The following LRP1B variants were observed in gnomAD, a reference collection of about 807,000 sequenced individuals.
LRP1B encodes the protein LDL receptor related protein 1B.
Under a neutral mutation model 556.6 loss-of-function variants are expected in LRP1B, and 217 were observed. That is an observed-to-expected ratio of 0.39 (90% CI 0.35 to 0.44). The LOEUF (loss-of-function observed/expected upper bound fraction) is 0.44, where lower values mean the gene tolerates loss of function less well. Among genes scored for constraint, LRP1B ranks in the 20% least tolerant of loss-of-function variants. The pLI, the probability that LRP1B is intolerant of heterozygous loss-of-function variation, is 1.00. For synonymous variants in LRP1B, 2,047 were observed against 1,865.8 expected (o/e 1.10, Z -2.50); for missense variants, 5,053 against 5,620.8 (o/e 0.90, Z 3.23).
intron 21 of LRP1B, among the ~76,000 whole-genome samples, chr2:140,917,933 G>T (rs1348201580): frequency 6.6e-6 from 1 of 152,068 alleles, no homozygotes; most frequent in Non-Finnish European, 1.5e-5. Context: ...AGAAAGCTGT[G>T]CATGTGAGGG....
intron 85 of LRP1B, among the ~76,000 whole-genome samples, chr2:140,270,804 T>A (rs1682424065): frequency 6.6e-6 from 1 of 151,952 alleles, no homozygotes; most frequent in South Asian, 2.1e-4. Flanking sequence ...TGCTAAGACT[T>A]TTAGACCCCA....
chr2:140,304,798 T>G (rs942199363), intron 83 of LRP1B, among the ~76,000 whole-genome samples: 7 of 152,192 alleles, frequency 4.6e-5, no homozygotes, highest in Non-Finnish European at 1.0e-4. Context: ...GGTCTAACGT[T>G]TAAGTCTTTA....
intron 1 of LRP1B, among the ~76,000 whole-genome samples, chr2:142,053,481 C>CAT (rs367670262): frequency 0.012 from 1,803 of 151,104 alleles, 14 homozygotes; most frequent in Non-Finnish European, 0.02. Flanking sequence ...AGGTTATATA[C>CAT]ATATATATAT....
At chr2:142,016,207 G>C (rs558261173) in intron 1 of LRP1B, among the ~76,000 whole-genome samples, 3 of 152,146 alleles carry the variant, frequency 2.0e-5, no homozygotes, top group African/African-American at 7.2e-5. Context: ...TGGAGAAATA[G>C]GAACGCTTTT....
At chr2:140,862,544 G>C (rs531724167) in intron 27 of LRP1B, among the ~76,000 whole-genome samples, 1 of 151,956 alleles carries the variant, frequency 6.6e-6, no homozygotes, top group Non-Finnish European at 1.5e-5. Flanking sequence ...CTTTCCCCAG[G>C]TTTCCCACTC....
intron 1 of LRP1B, among the ~76,000 whole-genome samples, chr2:142,001,911 C>T (rs965145834): frequency 6.6e-6 from 1 of 151,972 alleles, no homozygotes; most frequent in South Asian, 2.1e-4. Flanking sequence ...TCTAATTTAC[C>T]CATGCAGCTT....
At chr2:140,531,034 A>G (rs1368086684) in intron 47 of LRP1B, among the ~76,000 whole-genome samples, 4 of 152,176 alleles carry the variant, frequency 2.6e-5, no homozygotes, top group African/African-American at 9.7e-5. Flanking sequence ...TAAGAATTTA[A>G]TAAACACCTA....
intron 1 of LRP1B, among the ~76,000 whole-genome samples, chr2:142,080,073 T>G (rs1705656041): frequency 6.7e-6 from 1 of 148,402 alleles, no homozygotes; most frequent in Non-Finnish European, 1.5e-5. Context: ...ACAGCCATGT[T>G]GGGCTTAACT....
chr2:141,399,700 CG>C (rs1459492121), intron 3 of LRP1B, among the ~76,000 whole-genome samples: 5 of 152,090 alleles, frequency 3.3e-5, no homozygotes, highest in Non-Finnish European at 7.4e-5. Context: ...TTGAACCCCC[CG>C]TTCAATTCTG....
chr2:141,641,400 T>C (rs1689328087), intron 2 of LRP1B, among the ~76,000 whole-genome samples: 1 of 152,180 alleles, frequency 6.6e-6, no homozygotes, highest in Non-Finnish European at 1.5e-5. Flanking sequence ...TATACAATAA[T>C]TAACTTAAAA....
intron 2 of LRP1B, among the ~76,000 whole-genome samples, chr2:141,754,631 A>G (rs1274198793): frequency 1.3e-5 from 2 of 152,190 alleles, no homozygotes; most frequent in Non-Finnish European, 2.9e-5. Context: ...GCAGTTTACC[A>G]AAGTTTCTCC....
At chr2:141,964,520 G>T (rs985857638) in intron 1 of LRP1B, among the ~76,000 whole-genome samples, 4 of 151,706 alleles carry the variant, frequency 2.6e-5, no homozygotes, top group Non-Finnish European at 4.4e-5. Context: ...AATAAATGGT[G>T]CTGGGAAAAC....
intron 3 of LRP1B, among the ~76,000 whole-genome samples, chr2:141,364,714 C>T (rs1392104135): frequency 6.6e-6 from 1 of 152,056 alleles, no homozygotes; most frequent in African/African-American, 2.4e-5. Flanking sequence ...CAGATAGCAC[C>T]TTTTATCATA....
chr2:141,276,772 T>C (rs1016248297), intron 3 of LRP1B, among the ~76,000 whole-genome samples: 1 of 150,808 alleles, frequency 6.6e-6, no homozygotes, highest in East Asian at 2.0e-4. Flanking sequence ...TTCTCCTGCC[T>C]CAGCCTCCCG....
chr2:140,701,874 A>G (rs1236682461), intron 39 of LRP1B, 29 bp from the exon 40 acceptor site: 6 of 1,611,372 alleles, frequency 3.7e-6, no homozygotes, highest in African/African-American at 2.7e-5. Flanking sequence ...TACATGATCA[A>G]CAATCTTCGA....
intron 7 of LRP1B, among the ~76,000 whole-genome samples, chr2:141,150,185 A>T (rs1473213505): frequency 5.9e-5 from 9 of 152,192 alleles, no homozygotes; most frequent in African/African-American, 2.2e-4. Flanking sequence ...CAGTGACACC[A>T]ATACGTGGAT....
intron 2 of LRP1B, among the ~76,000 whole-genome samples, chr2:141,682,898 T>C (rs1574236822): frequency 6.6e-6 from 1 of 152,284 alleles, no homozygotes; most frequent in East Asian, 1.9e-4. Context: ...GCTCCTCTGT[T>C]ATATTTTGCA....
intron 1 of LRP1B, among the ~76,000 whole-genome samples, chr2:142,111,553 T>C (rs759604907): frequency 2.3e-4 from 35 of 152,126 alleles, no homozygotes; most frequent in Admixed American, 6.6e-4. Context: ...TTTAACTTCT[T>C]TATTGGATTT....
At chr2:141,604,976 G>T (rs982014516) in intron 2 of LRP1B, among the ~76,000 whole-genome samples, 8 of 152,044 alleles carry the variant, frequency 5.3e-5, no homozygotes, top group African/African-American at 9.7e-5. Context: ...CTGAGCTGGT[G>T]CACAAGCCAG....
Sources: gnomAD v4.1 joint callset for allele counts (sites outside exome capture counted in the v4.1 genomes callset) on GRCh38, gnomAD v4.1.1 for gene constraint, MANE v1.5 for transcripts, NCBI Gene and HGNC (gene_info 2026-07-23, HGNC 2026-07-21) for gene names.